ZNF69: variants seen among roughly 807,000 people sequenced by gnomAD.
ZNF69 encodes ZNF3.
ZNF69 carries 47 observed loss-of-function variants against 50.9 expected under a neutral mutation model. The observed-to-expected ratio is 0.92, with a 90% CI of 0.73 to 1.18. The LOEUF is 1.18. Ranked by LOEUF, ZNF69 falls within the 50% of genes most tolerant of loss-of-function variation. The probability of loss-of-function intolerance (pLI) is 0.00; values close to 1 mark genes in which losing one functional copy is unlikely to be tolerated. For missense variants in ZNF69, 717 were observed against 675.1 expected (o/e 1.06, Z -0.69); for synonymous variants, 216 against 223.1 (o/e 0.97, Z 0.29).
At chr19:11,889,415 G>A (rs1012192115) in intron 1 of ZNF69, among the ~76,000 whole-genome samples, 1 of 152,146 alleles carries the variant, frequency 6.6e-6, no homozygotes, top group African/African-American at 2.4e-5. Flanking sequence ...AGGGTTTTTT[G>A]GGGGTTCCCT....
In ZNF69 at chr19:11,887,840, G is replaced by A. The variant is rs946702564; in HGVS notation, c.-84G>A. ...CTTACCTCACCTTTGTCCCTGCGCG[G>A]GCTGCGGCTGGGATCCGGTCTTTCC... On this transcript the variant is annotated 5_prime_UTR_variant, in exon 1 of 4. Coordinates refer to ENST00000429654, the MANE Select transcript of ZNF69 (RefSeq NM_001364730.1). 7.0e-6 allele frequency: 9 copies of A among 1,283,196 alleles called. No individual in the cohort carries two copies. Among genetic ancestry groups the A allele is most frequent in the Non-Finnish European group, 1.0e-5 (9 of 899,728 alleles). 79.5% of individuals were successfully genotyped at this position (1,283,196 alleles called of 1,614,324 possible).
In ZNF69 at chr19:11,905,560, A is replaced by G. The variant is rs530550020; in HGVS notation, c.1163A>G (p.Tyr388Cys). The change falls in exon 4 of 4, where the codon TAT (tyrosine) becomes TGT (cysteine). Residue 388 changes from tyrosine to cysteine, a missense_variant. By Grantham distance (194) the Tyr-to-Cys change is radical. Transcript: ENST00000429654. ...AAAACTCACAGTGGAGAGAAACCCT[A>G]TAAATGCAAGCAATGTGGTAAAGCC... is the stretch of plus-strand genomic sequence containing the variant. Reference protein sequence around the residue: ...HEKTHSGEKPYKCKQCGKAFI... With the variant: ...HEKTHSGEKPCKCKQCGKAFI... The G allele has an allele frequency of 3.1e-6, 5 of 1,614,032 alleles. No homozygotes were observed. The highest frequency in any genetic ancestry group is 1.7e-5 in the Admixed American group (1 of 60,008).
chr19:11,980,045 C>G, the ZNF69 span: 5 of 1,095,958 alleles, frequency 4.6e-6, no homozygotes, highest in Non-Finnish European at 6.8e-6. Flanking sequence ...TGAAAGGACT[C>G]ACACTGGAGA....
chr19:11,979,328 A>G, the ZNF69 span: 11 of 1,609,102 alleles, frequency 6.8e-6, no homozygotes, highest in African/African-American at 2.7e-5. Flanking sequence ...CTTCGAAGGC[A>G]TGGTAGGACT....
At chr19:11,947,151 A>G in the ZNF69 span, 1 of 1,608,418 alleles carries the variant, frequency 6.2e-7, no homozygotes, top group Middle Eastern at 1.7e-4. Flanking sequence ...ACTCTCACCC[A>G]TCTTCCTCTA....
chr19:11,948,439 T>G, the ZNF69 span: 4 of 1,614,020 alleles, frequency 2.5e-6, no homozygotes, highest in African/African-American at 4.0e-5. Context: ...CATAGGTAAC[T>G]CATCTTTTAA....
chr19:11,949,026 T>C, the ZNF69 span: 8 of 1,606,986 alleles, frequency 5.0e-6, no homozygotes, highest in Admixed American at 1.0e-4. Flanking sequence ...AAAAACCGTA[T>C]GAATGTAAGC....
At chr19:11,932,797 C>T in the ZNF69 span, among the ~76,000 whole-genome samples, 1 of 147,234 alleles carries the variant, frequency 6.8e-6, no homozygotes, top group Non-Finnish European at 1.5e-5. Flanking sequence ...GCCACCCCGT[C>T]CGGCTAATTT....
chr19:11,926,852 G>C, the ZNF69 span, among the ~76,000 whole-genome samples: 1 of 152,176 alleles, frequency 6.6e-6, no homozygotes, highest in South Asian at 2.1e-4. Context: ...AGTTGGAAGA[G>C]TTTATTCAAG....
At chr19:11,953,731 G>A in the ZNF69 span, among the ~76,000 whole-genome samples, 1 of 152,200 alleles carries the variant, frequency 6.6e-6, no homozygotes, top group African/African-American at 2.4e-5. Context: ...TGGAAAGAGG[G>A]CAGCAGGTCA....
At chr19:11,946,444 C>T in the ZNF69 span, among the ~76,000 whole-genome samples, 14 of 152,058 alleles carry the variant, frequency 9.2e-5, no homozygotes, top group African/African-American at 3.1e-4. Context: ...CTTCCCTTGG[C>T]GGGTGGGGAG....
downstream of ZNF69, among the ~76,000 whole-genome samples, chr19:11,910,870 TC>T (rs1226651383): frequency 6.6e-6 from 1 of 152,064 alleles, no homozygotes; most frequent in African/African-American, 2.4e-5. Flanking sequence ...GAAACTACCA[TC>T]AGAGTGAACA....
downstream of ZNF69, among the ~76,000 whole-genome samples, chr19:11,915,776 C>T (rs1451153947): frequency 2.0e-5 from 3 of 152,164 alleles, no homozygotes; most frequent in Non-Finnish European, 2.9e-5. Flanking sequence ...TAGTGGCTCA[C>T]GCCTGTAATC....
the ZNF69 span, among the ~76,000 whole-genome samples, chr19:11,958,171 C>T: frequency 7.1e-4 from 108 of 152,174 alleles, no homozygotes; most frequent in Non-Finnish European, 1.5e-3. Flanking sequence ...TTTTTCTATC[C>T]ATGTCTCTGA....
the ZNF69 span, chr19:11,946,983 T>C: frequency 9.6e-7 from 1 of 1,047,010 alleles, no homozygotes; most frequent in Non-Finnish European, 1.3e-6. Flanking sequence ...AGTGAAACTC[T>C]GTCTCAAAAA....
At chr19:11,946,352 T>TA in the ZNF69 span, among the ~76,000 whole-genome samples, 13 of 152,250 alleles carry the variant, frequency 8.5e-5, no homozygotes, top group African/African-American at 2.2e-4. Context: ...GTCTCTCTTC[T>TA]AGGTAAGGAC....
chr19:11,943,089 G>A, the ZNF69 span, among the ~76,000 whole-genome samples: 1 of 152,162 alleles, frequency 6.6e-6, no homozygotes, highest in Non-Finnish European at 1.5e-5. Context: ...GCAAGCAGGG[G>A]AGTAACAAGC....
At chr19:11,976,793 G>A in the ZNF69 span, 4 of 1,137,696 alleles carry the variant, frequency 3.5e-6, no homozygotes, top group Non-Finnish European at 4.6e-6. Flanking sequence ...TTGAACCCCG[G>A]TCATGAGCCA....
chr19:11,940,526 G>A, the ZNF69 span, among the ~76,000 whole-genome samples: 2,977 of 152,050 alleles, frequency 0.02, 74 homozygotes, highest in African/African-American at 0.059. Context: ...TGGTGGGCTC[G>A]TGATCTCGCT....
Sources: allele counts gnomAD v4.1 joint callset (sites outside exome capture counted in the v4.1 genomes callset), GRCh38; gene constraint gnomAD v4.1.1; transcripts MANE v1.5; gene names NCBI Gene and HGNC (gene_info 2026-07-23, HGNC 2026-07-21).